C9orf153: variants seen among roughly 807,000 people sequenced by gnomAD.
C9orf153 encodes the protein uncharacterized protein C9orf153.
In C9orf153, 10 loss-of-function variants were observed where a neutral mutation model predicts 9.0. That is an observed-to-expected ratio of 1.11 (90% CI 0.69 to 1.89). The LOEUF (loss-of-function observed/expected upper bound fraction) is 1.89. Ranked by LOEUF, C9orf153 falls within the 40% of genes most tolerant of loss-of-function variation. The pLI, the probability that C9orf153 is intolerant of heterozygous loss-of-function variation, is 0.00. For synonymous variants in C9orf153, 35 were observed against 37.3 expected (o/e 0.94, Z 0.23); for missense variants, 108 against 111.0 (o/e 0.97, Z 0.12).
At chr9:86,229,653 G>C in intron 1 of C9orf153, 24 bp from the exon 2 acceptor site, 1 of 1,353,858 alleles carries the variant, frequency 7.4e-7, no homozygotes, top group South Asian at 1.2e-5. Flanking sequence ...TATGAGAAAA[G>C]ACAAAAATCA....
At chr9:86,221,979 G>A (rs55715448) in intron 3 of C9orf153, among the ~76,000 whole-genome samples, 9,859 of 152,002 alleles carry the variant, frequency 0.065, 1,068 homozygotes, top group African/African-American at 0.22. Context: ...TCCGCCTCCC[G>A]GGTTCAAATG....
chr9:86,252,843 C>T (rs906112287), intron 1 of C9orf153, among the ~76,000 whole-genome samples: 1 of 152,180 alleles, frequency 6.6e-6, no homozygotes, highest in Non-Finnish European at 1.5e-5. Flanking sequence ...ACAAATCTTA[C>T]AGATTCATGA....
intron 1 of C9orf153, among the ~76,000 whole-genome samples, chr9:86,238,999 T>C (rs1302611597): frequency 2.6e-5 from 4 of 151,318 alleles, no homozygotes; most frequent in African/African-American, 9.7e-5. Flanking sequence ...AGGTGGCTCA[T>C]GCCTGTAATC....
chr9:86,228,990 G>T, intron 2 of C9orf153: 1 of 271,162 alleles, frequency 3.7e-6, no homozygotes, highest in South Asian at 6.1e-5. Context: ...AGTAAGAGGC[G>T]ACAAGGGCCC....
intron 1 of C9orf153, among the ~76,000 whole-genome samples, chr9:86,251,629 T>C (rs1824995057): frequency 6.6e-6 from 1 of 151,594 alleles, no homozygotes; most frequent in Non-Finnish European, 1.5e-5. Flanking sequence ...TTTTGAAAGT[T>C]TTTTTTAATT....
intron 1 of C9orf153, among the ~76,000 whole-genome samples, chr9:86,258,034 G>A (rs997091232): frequency 6.6e-6 from 1 of 152,102 alleles, no homozygotes; most frequent in Admixed American, 6.5e-5. Context: ...AACTATTAAG[G>A]ACAACCTTTA....
chr9:86,238,755 T>C (rs1226291689), intron 1 of C9orf153, among the ~76,000 whole-genome samples: 2 of 151,894 alleles, frequency 1.3e-5, no homozygotes, highest in East Asian at 3.9e-4. Context: ...TGTGCTGAAA[T>C]AGATCTCCAG....
chr9:86,240,377 CTTT>C (rs34559572), intron 1 of C9orf153, among the ~76,000 whole-genome samples: 2 of 135,870 alleles, frequency 1.5e-5, no homozygotes, highest in African/African-American at 5.4e-5. Context: ...TCTTCTTTTC[CTTT>C]TTTTTTTTTT....
Position 86,221,702 on chromosome 9 carries a change from T to G in C9orf153, c.274A>C (p.Met92Leu), listed in dbSNP as rs1563995518. 6.5e-7 allele frequency: 1 copy of G among 1,549,688 alleles called. No individual in the cohort carries two copies. The highest frequency in any genetic ancestry group is 8.7e-7 in the Non-Finnish European group (1 of 1,146,186). Residue 92 changes from methionine to leucine, a missense_variant, in exon 4 of 4, where the codon ATG becomes CTG. Transcript: ENST00000339137. ...KTIHESKGSG[M>L]EIF The stretch of plus-strand genomic sequence containing the variant: ...TCGCAAGCCCCTTAAAATATCTCCA[T>G]TCCAGATCCCTTAGATTCATGAATT...
intron 1 of C9orf153, among the ~76,000 whole-genome samples, chr9:86,230,820 T>C (rs909507081): frequency 6.7e-6 from 1 of 149,550 alleles, no homozygotes; most frequent in African/African-American, 2.6e-5. Flanking sequence ...TTAATTTTTC[T>C]GCAAGACGTT....
intron 3 of C9orf153, among the ~76,000 whole-genome samples, chr9:86,224,603 A>G (rs1354693547): frequency 6.6e-6 from 1 of 152,006 alleles, no homozygotes; most frequent in Non-Finnish European, 1.5e-5. Flanking sequence ...TCACTATATA[A>G]CACTATTGAA....
intron 1 of C9orf153, among the ~76,000 whole-genome samples, chr9:86,239,630 C>A (rs1398050046): frequency 6.6e-6 from 1 of 152,150 alleles, no homozygotes; most frequent in Non-Finnish European, 1.5e-5. Flanking sequence ...AGAGGGGTAA[C>A]TGGAAGTGAG....
intron 2 of C9orf153, among the ~76,000 whole-genome samples, chr9:86,229,160 T>G (rs1824405668): frequency 6.6e-6 from 1 of 152,154 alleles, no homozygotes; most frequent in African/African-American, 2.4e-5. Flanking sequence ...CCAGTGTTTT[T>G]TTGGGGAGTT....
chr9:86,247,830 C>T (rs965861172), intron 1 of C9orf153, among the ~76,000 whole-genome samples: 4 of 152,212 alleles, frequency 2.6e-5, no homozygotes, highest in Non-Finnish European at 5.9e-5. Context: ...CTTCTGCCAA[C>T]ATAGTCTCTC....
At chr9:86,257,453 C>G (rs1223947331) in intron 1 of C9orf153, among the ~76,000 whole-genome samples, 2 of 151,356 alleles carry the variant, frequency 1.3e-5, no homozygotes, top group African/African-American at 4.9e-5. Flanking sequence ...TCAAGCCAAA[C>G]AAGACATCTG....
chr9:86,230,169 T>C (rs1381318279), intron 1 of C9orf153, among the ~76,000 whole-genome samples: 2 of 152,242 alleles, frequency 1.3e-5, no homozygotes, highest in African/African-American at 4.8e-5. Flanking sequence ...TGCTTTTTCG[T>C]AGTTTAGGTC....
intron 1 of C9orf153, among the ~76,000 whole-genome samples, chr9:86,254,893 C>T (rs531403385): frequency 3.3e-5 from 5 of 152,132 alleles, no homozygotes; most frequent in South Asian, 4.2e-4. Context: ...GGTGAAACCC[C>T]GTCTCTTCCA....
At chr9:86,241,247 G>A (rs1446782794) in intron 1 of C9orf153, among the ~76,000 whole-genome samples, 1 of 152,114 alleles carries the variant, frequency 6.6e-6, no homozygotes, top group Non-Finnish European at 1.5e-5. Context: ...CTTCAGCCCT[G>A]TCATTTAGCA....
In C9orf153 at chr9:86,259,561, C is replaced by T. The variant is rs1316667049; in HGVS notation, c.-38G>A. The T allele has an allele frequency of 6.6e-6, 1 of 152,094 alleles. No individual in the cohort carries two copies. The highest frequency in any genetic ancestry group is 2.1e-4 in the South Asian group (1 of 4,820). 9.4% of individuals were successfully genotyped at this position (152,094 alleles called of 1,614,324 possible). On this transcript the variant is annotated 5_prime_UTR_variant, in exon 1 of 4. Coordinates refer to ENST00000339137, the MANE Select transcript of C9orf153 (RefSeq NM_001276366.4). ...GTAGATGCACTTACCACTTGTTTTA[C>T]AGTTGTCTCTTCACGTGGTCATATC... is the stretch of plus-strand genomic sequence containing the variant.
Sources: allele counts gnomAD v4.1 joint callset (sites outside exome capture counted in the v4.1 genomes callset), GRCh38; gene constraint gnomAD v4.1.1; transcripts MANE v1.5; gene names NCBI Gene and HGNC (gene_info 2026-07-23, HGNC 2026-07-21).